RAB2A: variants seen among roughly 807,000 people sequenced by gnomAD.
RAB2A encodes the protein RAB2A, member RAS oncogene family.
In RAB2A, 7 loss-of-function variants were observed where a neutral mutation model predicts 32.5. That is an observed-to-expected ratio of 0.22 (90% CI 0.12 to 0.40). The LOEUF (loss-of-function observed/expected upper bound fraction) is 0.40, where lower values mean the gene tolerates loss of function less well. RAB2A is among the 10% of genes least tolerant of loss of function. RAB2A has a pLI of 1.00. For synonymous variants in RAB2A, 79 were observed against 85.2 expected (o/e 0.93, Z 0.40); for missense variants, 108 against 260.7 (o/e 0.41, Z 4.03).
At position 60,622,384 on chromosome 8, in the gene RAB2A, A is replaced by C. The variant is rs572998914; in HGVS notation, c.*1615A>C. 1.8e-4 allele frequency: 28 copies of C among 152,238 alleles called. No individual in the cohort carries two copies. The highest frequency in any genetic ancestry group is 3.1e-4 in the Non-Finnish European group (21 of 68,030). 9.4% of individuals were successfully genotyped at this position (152,238 alleles called of 1,614,324 possible). A position where few individuals can be genotyped will look rare whatever the true frequency, so the allele number is the denominator to read the frequency against. Reference sequence around the variant, plus strand: ...TTGTGGGAAATCACCAAATGCTGTCATAGTTTTGTTTTAACTGTCTCCTTG... The same window carrying C: ...TTGTGGGAAATCACCAAATGCTGTCCTAGTTTTGTTTTAACTGTCTCCTTG... On this transcript the variant is annotated 3_prime_UTR_variant, in exon 8 of 8. Coordinates refer to ENST00000262646, the MANE Select transcript of RAB2A (RefSeq NM_002865.3).
In RAB2A at chr8:60,549,479, C is replaced by CTT. The variant is rs34956255; in HGVS notation, c.47-9357_47-9356dup. On this transcript the variant is annotated intron_variant, in intron 1 of 7. Transcript: ENST00000262646. ...ACAGCGAAACCCCGTCTCCACCAAC[C>CTT]TTTTTTTTTTTTTTTTTGGTGTGGA... Among the ~76,000 whole-genome samples, 184 of 139,304 alleles carry CTT rather than the reference C, an allele frequency of 1.3e-3. 1 individual carries two copies. The highest frequency in any genetic ancestry group is 3.6e-3 in the African/African-American group (138 of 38,144). 91.4% of individuals were successfully genotyped at this position (139,304 alleles called of 152,430 possible).
At chr8:60,614,446 C>CT (rs1479142559) in intron 6 of RAB2A, among the ~76,000 whole-genome samples, 3 of 151,948 alleles carry the variant, frequency 2.0e-5, no homozygotes, top group African/African-American at 4.8e-5. Context: ...AGACAGGGGT[C>CT]TTACTACATT....
chr8:60,524,148 T>C (rs1293514496), intron 1 of RAB2A, among the ~76,000 whole-genome samples: 4 of 152,188 alleles, frequency 2.6e-5, no homozygotes, highest in African/African-American at 9.7e-5. Flanking sequence ...CTCTGGTGAC[T>C]CTCCCTACTC....
chr8:60,593,091 A>G (rs1803968548), intron 6 of RAB2A, among the ~76,000 whole-genome samples: 1 of 152,232 alleles, frequency 6.6e-6, no homozygotes, highest in Non-Finnish European at 1.5e-5. Flanking sequence ...AATTGACTAC[A>G]GTAATTCTAC....
In RAB2A at chr8:60,567,053, C is replaced by T. The variant is rs139341051; in HGVS notation, c.119-4993C>T. The stretch of plus-strand genomic sequence containing the variant: ...TAATACCTTTGTAATATGTTAGACC[C>T]CTGTATGTAAGCAAGCAAGCCTGTT... On this transcript the variant is annotated intron_variant, in intron 2 of 7. Transcript: ENST00000262646. 4.3e-3 allele frequency among the ~76,000 whole-genome samples: 654 copies of T among 152,050 alleles called. 2 individuals carry two copies. Among genetic ancestry groups the T allele is most frequent in the Non-Finnish European group, 5.9e-3 (399 of 68,000 alleles).
intron 2 of RAB2A, among the ~76,000 whole-genome samples, chr8:60,566,251 A>G (rs1008080701): frequency 7.2e-5 from 11 of 152,194 alleles, no homozygotes; most frequent in African/African-American, 2.4e-4. Context: ...CAAAGTGCGC[A>G]TTCCTCCTCA....
intron 3 of RAB2A, among the ~76,000 whole-genome samples, chr8:60,582,309 ACT>A (rs1423475200): frequency 1.3e-5 from 2 of 152,102 alleles, no homozygotes; most frequent in Non-Finnish European, 2.9e-5. Flanking sequence ...TGGCTTTCTC[ACT>A]GTCTAATTTA....
At chr8:60,579,872 C>T (rs1803710868) in intron 3 of RAB2A, among the ~76,000 whole-genome samples, 1 of 152,164 alleles carries the variant, frequency 6.6e-6, no homozygotes, top group South Asian at 2.1e-4. Flanking sequence ...CGTAATATGC[C>T]TGCCTTGGCC....
intron 6 of RAB2A, among the ~76,000 whole-genome samples, chr8:60,603,505 C>T (rs1263829777): frequency 6.6e-6 from 1 of 152,182 alleles, no homozygotes; most frequent in Non-Finnish European, 1.5e-5. Context: ...CAAGAAGGAT[C>T]TGTTGAGGGG....
At chr8:60,546,625 C>G (rs1452273265) in intron 1 of RAB2A, among the ~76,000 whole-genome samples, 1 of 152,178 alleles carries the variant, frequency 6.6e-6, no homozygotes, top group Non-Finnish European at 1.5e-5. Context: ...AATAATAATA[C>G]TGTTAAGTTT....
chr8:60,598,206 G>GA (rs910755523), intron 6 of RAB2A, among the ~76,000 whole-genome samples: 27 of 151,896 alleles, frequency 1.8e-4, no homozygotes, highest in African/African-American at 6.0e-4. Context: ...TCACAAAAAA[G>GA]AAAAAAATTG....
chr8:60,547,515 C>T (rs566763770), intron 1 of RAB2A, among the ~76,000 whole-genome samples: 219 of 151,118 alleles, frequency 1.4e-3, no homozygotes, highest in Middle Eastern at 3.5e-3. Context: ...GGCAGCTGGC[C>T]GGACGGGGGG....
intron 6 of RAB2A, among the ~76,000 whole-genome samples, chr8:60,601,346 CT>C (rs879734121): frequency 9.6e-4 from 141 of 147,144 alleles, no homozygotes; most frequent in Middle Eastern, 6.9e-3. Context: ...TATTTTCTTT[CT>C]TTTTTTTTTT....
chr8:60,542,407 T>A (rs570535875), intron 1 of RAB2A, among the ~76,000 whole-genome samples: 1 of 152,154 alleles, frequency 6.6e-6, no homozygotes, highest in Admixed American at 6.5e-5. Flanking sequence ...CCCAGCTACT[T>A]GGGAGCTGAG....
chr8:60,523,157 C>G (rs995821530), intron 1 of RAB2A, among the ~76,000 whole-genome samples: 2 of 119,340 alleles, frequency 1.7e-5, no homozygotes, highest in African/African-American at 7.7e-5. Context: ...ACTCCACATT[C>G]TTTTTCTTTT....
chr8:60,537,198 T>TA (rs1807570581), intron 1 of RAB2A, among the ~76,000 whole-genome samples: 2 of 152,240 alleles, frequency 1.3e-5, no homozygotes, highest in Non-Finnish European at 2.9e-5. Flanking sequence ...TAAGTGTTCT[T>TA]ATTCTAATCG....
At chr8:60,601,631 C>T (rs1804136466) in intron 6 of RAB2A, among the ~76,000 whole-genome samples, 1 of 152,148 alleles carries the variant, frequency 6.6e-6, no homozygotes, top group African/African-American at 2.4e-5. Context: ...AGCTGCCATG[C>T]CCAGCATATT....
rs1808113344 is a variant in RAB2A, at chr8:60,566,371, T to A, written c.119-5675T>A. On this transcript the variant is annotated intron_variant, in intron 2 of 7. Transcript: ENST00000262646. ...TGAGGCTGAGCATTTTTCGTATGTTTAAGAACTATTTATCTTCTCTTTGAT... is the reference window on the plus strand; with the variant it reads ...TGAGGCTGAGCATTTTTCGTATGTTAAAGAACTATTTATCTTCTCTTTGAT... 2.0e-5 allele frequency among the ~76,000 whole-genome samples: 3 copies of A among 152,234 alleles called. No homozygotes were observed. The South Asian group carries it at 6.2e-4, about 31-fold the overall frequency.
At chr8:60,581,073 G>A (rs1214446746) in intron 3 of RAB2A, among the ~76,000 whole-genome samples, 1 of 152,182 alleles carries the variant, frequency 6.6e-6, no homozygotes, top group Non-Finnish European at 1.5e-5. Context: ...CTCAGTAGAT[G>A]CCTGAAATTG....
Sources: allele counts gnomAD v4.1 joint callset (sites outside exome capture counted in the v4.1 genomes callset), GRCh38; gene constraint gnomAD v4.1.1; transcripts MANE v1.5; gene names NCBI Gene and HGNC (gene_info 2026-07-23, HGNC 2026-07-21).